Variants in FGD4 observed in about 807,000 individuals in gnomAD.
FGD4 encodes FYVE, RhoGEF and PH domain-containing protein 4.
A neutral mutation model predicts 102.0 loss-of-function variants in FGD4; 42 were observed. That is an observed-to-expected ratio of 0.41 (90% CI 0.32 to 0.53). The LOEUF (loss-of-function observed/expected upper bound fraction) is 0.53. Among genes scored for constraint, FGD4 ranks in the 20% least tolerant of loss-of-function variants. FGD4 has a pLI of 0.21. For synonymous variants in FGD4, 380 were observed against 375.7 expected (o/e 1.01, Z -0.13); for missense variants, 902 against 1,078.2 (o/e 0.84, Z 2.29).
At position 32,608,088 on chromosome 12, in the gene FGD4, T is replaced by G. The variant is rs778471949; in HGVS notation, c.1536T>G (p.Asp512Glu). The G allele has an allele frequency of 9.3e-6, 15 of 1,614,096 alleles. No homozygotes were observed. The Admixed American group carries it at 2.5e-4, about 27-fold the overall frequency. ...CTCCTGATTCCCTGGACTGGAATGA[T>G]GCTAAAAGTAAATGCTTTTTTTTTG... The part of the protein sequence containing the change: ...KLPPDSLDWN[D>E]AKKSLEIIST... The change falls in exon 8 of 17, where the codon GAT (aspartate) becomes GAG (glutamate). Residue 512 changes from aspartate (D) to glutamate (E), a missense_variant. Asp to Glu is a conservative substitution (Grantham distance 45). Around this residue, in one of 2 missense-constraint regions of FGD4, gnomAD observed 459 missense variants for 619.0 expected, o/e 0.74. Transcript: ENST00000534526.
intron 1 of FGD4, among the ~76,000 whole-genome samples, chr12:32,469,816 T>C (rs1488030792): frequency 1.3e-5 from 2 of 151,818 alleles, no homozygotes; most frequent in Non-Finnish European, 2.9e-5. Flanking sequence ...TGCGGCACCA[T>C]GCCTGGCTAA....
Position 32,438,995 on chromosome 12 carries a change from A to G in FGD4, c.166+39036A>G, listed in dbSNP as rs144725508. ...TCATTTTTTGATCGAGCTAATTAAC[A>G]TATGTATTACCTCACTTATAATTTA... On this transcript the variant is annotated intron_variant, in intron 1 of 16. Transcript: ENST00000534526. Among the ~76,000 whole-genome samples the G allele has an allele frequency of 3.9e-4, 60 of 152,302 alleles. 1 individual carries two copies. The East Asian group carries it at 0.011, about 27-fold the overall frequency.
At chr12:32,460,076 T>G (rs1185114386) in intron 1 of FGD4, among the ~76,000 whole-genome samples, 1 of 152,142 alleles carries the variant, frequency 6.6e-6, no homozygotes, top group African/African-American at 2.4e-5. Flanking sequence ...ATCACAGAGA[T>G]TCTTTGAAGT....
intron 1 of FGD4, among the ~76,000 whole-genome samples, chr12:32,492,873 C>CT (rs1207245447): frequency 2.6e-5 from 4 of 152,198 alleles, no homozygotes; most frequent in Admixed American, 2.6e-4. Flanking sequence ...TTTCTTCTAG[C>CT]TTTAGTAAAG....
intron 5 of FGD4, 47 bp from the exon 6 acceptor site, chr12:32,601,231 G>T: frequency 6.3e-7 from 1 of 1,589,514 alleles, no homozygotes; most frequent in Non-Finnish European, 8.6e-7. Flanking sequence ...GTGCTAGGTG[G>T]TTAACCAATA....
intron 1 of FGD4, among the ~76,000 whole-genome samples, chr12:32,410,390 G>C (rs1941154220): frequency 6.6e-6 from 1 of 151,886 alleles, no homozygotes; most frequent in South Asian, 2.1e-4. Context: ...GAGGTGGGAG[G>C]ATTGCTGAAG....
intron 8 of FGD4, among the ~76,000 whole-genome samples, chr12:32,608,738 C>T (rs1358445715): frequency 6.6e-6 from 1 of 152,070 alleles, no homozygotes; most frequent in Non-Finnish European, 1.5e-5. Flanking sequence ...TAAGAAATAA[C>T]AGTGGCTTGA....
At chr12:32,470,746 G>A (rs1051183692) in intron 1 of FGD4, among the ~76,000 whole-genome samples, 1 of 152,120 alleles carries the variant, frequency 6.6e-6, no homozygotes, top group African/African-American at 2.4e-5. Flanking sequence ...GAGCCGCTGC[G>A]CCCGGCCTGC....
chr12:32,417,366 C>T (rs1207667811), intron 1 of FGD4, among the ~76,000 whole-genome samples: 5 of 151,354 alleles, frequency 3.3e-5, no homozygotes, highest in East Asian at 1.9e-4. Context: ...TTTTTTCTTC[C>T]GCATTTTAAA....
At chr12:32,529,128 T>A (rs1941545233) in intron 1 of FGD4, among the ~76,000 whole-genome samples, 1 of 152,172 alleles carries the variant, frequency 6.6e-6, no homozygotes, top group South Asian at 2.1e-4. Flanking sequence ...TGCATCATTT[T>A]TTTTTGAGAC....
intron 1 of FGD4, among the ~76,000 whole-genome samples, chr12:32,482,885 C>G (rs1339810523): frequency 6.6e-6 from 1 of 152,126 alleles, no homozygotes; most frequent in Non-Finnish European, 1.5e-5. Context: ...CTGCCGTTTA[C>G]TATCTGGAAA....
At chr12:32,620,767 G>A (rs540033478) in intron 11 of FGD4, among the ~76,000 whole-genome samples, 17 of 143,790 alleles carry the variant, frequency 1.2e-4, no homozygotes, top group South Asian at 1.1e-3. Context: ...CCCTGATCTC[G>A]GCTCACTGCA....
intron 4 of FGD4, among the ~76,000 whole-genome samples, chr12:32,598,190 A>T (rs1948064357): frequency 6.6e-6 from 1 of 152,208 alleles, no homozygotes; most frequent in African/African-American, 2.4e-5. Context: ...GAGTAGCCTG[A>T]GAAAGATGGA....
At chr12:32,460,560 G>C (rs1344915555) in intron 1 of FGD4, among the ~76,000 whole-genome samples, 1 of 151,894 alleles carries the variant, frequency 6.6e-6, no homozygotes, top group Non-Finnish European at 1.5e-5. Flanking sequence ...TATAATAGTA[G>C]AGTAGTACAT....
At chr12:32,457,655 T>A (rs1942981903) in intron 1 of FGD4, among the ~76,000 whole-genome samples, 1 of 152,246 alleles carries the variant, frequency 6.6e-6, no homozygotes, top group Non-Finnish European at 1.5e-5. Context: ...CAAGGATTGC[T>A]TTCTGTGGGT....
At chr12:32,562,827 A>T (rs1247459484) in intron 1 of FGD4, among the ~76,000 whole-genome samples, 1 of 152,216 alleles carries the variant, frequency 6.6e-6, no homozygotes, top group South Asian at 2.1e-4. Context: ...CTACACAGAC[A>T]CGGCAACCAT....
chr12:32,534,084 T>G (rs1398613340), intron 1 of FGD4, among the ~76,000 whole-genome samples: 2 of 152,262 alleles, frequency 1.3e-5, no homozygotes, highest in Non-Finnish European at 2.9e-5. Context: ...TTTAGAGCAT[T>G]ACTAATAGTT....
intron 3 of FGD4, among the ~76,000 whole-genome samples, chr12:32,580,819 G>A (rs568692044): frequency 4.0e-5 from 6 of 151,054 alleles, no homozygotes; most frequent in Non-Finnish European, 5.9e-5. Flanking sequence ...CCCGGGAGGC[G>A]TAGCTTGCAG....
intron 10 of FGD4, among the ~76,000 whole-genome samples, chr12:32,615,972 CG>C (rs1347021676): frequency 1.3e-5 from 2 of 152,036 alleles, no homozygotes; most frequent in African/African-American, 4.8e-5. Context: ...CTCTAGGAAT[CG>C]GGTAATCCTG....
Sources: allele counts gnomAD v4.1 joint callset (sites outside exome capture counted in the v4.1 genomes callset), GRCh38; gene constraint gnomAD v4.1.1; regional missense constraint gnomAD v4.1.1; transcripts MANE v1.5; gene names NCBI Gene and HGNC (gene_info 2026-07-23, HGNC 2026-07-21).